Variants in DGCR8 observed in about 807,000 individuals in gnomAD.
The protein encoded by DGCR8 is DGCR8 microprocessor complex subunit, also known as microprocessor complex subunit DGCR8.
In DGCR8, 14 loss-of-function variants were observed where a neutral mutation model predicts 78.5. That is an observed-to-expected ratio of 0.18 (90% CI 0.12 to 0.28). The LOEUF is 0.28. Ranked by LOEUF, DGCR8 falls within the 10% of genes least tolerant of loss-of-function variation. The probability of loss-of-function intolerance (pLI) is 1.00; values close to 1 mark genes in which losing one functional copy is unlikely to be tolerated. For synonymous variants in DGCR8, 399 were observed against 402.4 expected (o/e 0.99, Z 0.10); for missense variants, 702 against 1,022.5 (o/e 0.69, Z 4.28).
At chr22:20,104,105 C>G (rs2904565) in intron 9 of DGCR8, among the ~76,000 whole-genome samples, 1 of 151,596 alleles carries the variant, frequency 6.6e-6, no homozygotes, top group Non-Finnish European at 1.5e-5. Flanking sequence ...GGTTAACCCT[C>G]AGTAGCACAT....
At chr22:20,100,300 C>T (rs1413161941) in intron 9 of DGCR8, 3 of 938,950 alleles carry the variant, frequency 3.2e-6, no homozygotes, top group Non-Finnish European at 3.8e-6. Flanking sequence ...CTCTTGACCT[C>T]GTGATCCGTC....
chr22:20,088,879 C>A (rs1020246999), intron 3 of DGCR8, among the ~76,000 whole-genome samples: 1 of 152,084 alleles, frequency 6.6e-6, no homozygotes, highest in African/African-American at 2.4e-5. Flanking sequence ...GCCTCCCAGG[C>A]TCAAGTGATC....
At position 20,089,868 on chromosome 22, in the gene DGCR8, A is replaced by G. The variant is rs976595373; in HGVS notation, c.1023+57A>G. On this transcript the variant is annotated intron_variant, in intron 4 of 13. Coordinates refer to ENST00000351989, the MANE Select transcript of DGCR8 (RefSeq NM_022720.7). The surrounding 1 kb of genome is among the most constrained non-coding windows in gnomAD (Gnocchi z 4.9). ...TGTAAGTTCTCAGACCAAAACGTGC[A>G]CATCCACACACATGGCACCGCAGCC... 1 of 1,601,144 alleles carries G rather than the reference A, an allele frequency of 6.2e-7. No individual in the cohort carries two copies. The highest frequency in any genetic ancestry group is 8.5e-7 in the Non-Finnish European group (1 of 1,171,632).
Position 20,111,864 on chromosome 22 carries a change from T to C in DGCR8, c.*1756T>C, listed in dbSNP as rs959591415. The C allele has an allele frequency of 6.0e-6, 1 of 167,688 alleles. No homozygotes were observed. Among genetic ancestry groups the C allele is most frequent in the Non-Finnish European group, 1.3e-5 (1 of 78,494 alleles). The allele number at this position is 167,688 out of a possible 1,614,324, so 10.4% of individuals were successfully genotyped here. A position where few individuals can be genotyped will look rare whatever the true frequency, so the allele number is the denominator to read the frequency against. ...GATTGTCTGAACACATAAAGCAAAC[T>C]GTCCAGAAGGGAATGGCTGATGTCT... On this transcript the variant is annotated 3_prime_UTR_variant, in exon 14 of 14. Coordinates refer to ENST00000351989, the MANE Select transcript of DGCR8 (RefSeq NM_022720.7).
At chr22:20,096,194 T>G (rs2049627036) in intron 9 of DGCR8, among the ~76,000 whole-genome samples, 1 of 152,176 alleles carries the variant, frequency 6.6e-6, no homozygotes, top group South Asian at 2.1e-4. Context: ...ACAAAAAGAA[T>G]GTTATTAAGA....
chr22:20,093,617 C>A (rs1484207985), intron 8 of DGCR8, among the ~76,000 whole-genome samples: 1 of 152,188 alleles, frequency 6.6e-6, no homozygotes, highest in African/African-American at 2.4e-5. Flanking sequence ...GCATCCTCCC[C>A]CAGTGGTGCT....
rs1160265628 is a variant in DGCR8, at chr22:20,085,148, T to C, written c.-277-539T>C. 3.0e-6 allele frequency: 2 copies of C among 666,668 alleles called. No individual in the cohort carries two copies. The highest frequency in any genetic ancestry group is 1.4e-4 in the East Asian group (1 of 7,320). 41.3% of individuals were successfully genotyped at this position (666,668 alleles called of 1,614,324 possible). On this transcript the variant is annotated intron_variant, in intron 1 of 13. Coordinates refer to ENST00000351989, the MANE Select transcript of DGCR8 (RefSeq NM_022720.7). This position sits in a 1 kb window ranked among gnomAD's most constrained non-coding sequence, Gnocchi z 6.2. ...CTGTCCCCGTCCACGTGCTACCCTG[T>C]GGGCCCAGGAGAGCCCTGGGGTCCC...
Position 20,085,187 on chromosome 22 carries a change from G to A in DGCR8, c.-277-500G>A, listed in dbSNP as rs1185470917. 3.0e-5 allele frequency: 9 copies of A among 298,154 alleles called. No individual in the cohort carries two copies. The highest frequency in any genetic ancestry group is 4.5e-5 in the Non-Finnish European group (9 of 201,880). The allele number at this position is 298,154 out of a possible 1,614,324, so 18.5% of individuals were successfully genotyped here. On this transcript the variant is annotated intron_variant, in intron 1 of 13. Transcript: ENST00000351989. This position sits in a 1 kb window ranked among gnomAD's most constrained non-coding sequence, Gnocchi z 6.2. Reference sequence around the variant, plus strand: ...CCCTGGGGTCCCTGGGTAGCAGAGCGCCTGGCCATGCCTCTGAGGCCCCTA... The same window carrying A: ...CCCTGGGGTCCCTGGGTAGCAGAGCACCTGGCCATGCCTCTGAGGCCCCTA...
chr22:20,101,075 T>C, intron 9 of DGCR8: 1 of 514,778 alleles, frequency 1.9e-6, no homozygotes, highest in Non-Finnish European at 2.5e-6. Flanking sequence ...GAGCCCACCC[T>C]GGCCACCTCC....
Position 20,086,271 on chromosome 22 carries a change from C to T in DGCR8, c.308C>T (p.Pro103Leu). The change falls in exon 2 of 14, where the codon CCT becomes CTT. Residue 103 changes from proline (P) to leucine (L), a missense_variant. Physicochemically the swap from Pro to Leu is moderately conservative, Grantham distance 98. Around this residue, in one of 4 missense-constraint regions of DGCR8, gnomAD observed 356 missense variants for 448.9 expected, o/e 0.79. Transcript: ENST00000351989. The surrounding 1 kb of genome is among the most constrained non-coding windows in gnomAD (Gnocchi z 6.4). ...GHSPRTARHA[P>L]AVRKFSPDLK... is the part of the protein sequence containing the mutation. ...AGCCCGCGCACCGCCCGGCACGCAC[C>T]TGCGGTCCGGAAGTTCTCCCCTGAC... The T allele has an allele frequency of 1.9e-6, 3 of 1,614,186 alleles. No individual in the cohort carries two copies. The highest frequency in any genetic ancestry group is 2.2e-5 in the South Asian group (2 of 91,082).
rs950505164 is a variant in DGCR8, at chr22:20,085,699, A to G, written c.-265A>G. The G allele has an allele frequency of 7.7e-7, 1 of 1,294,740 alleles. No individual in the cohort carries two copies. Among genetic ancestry groups the G allele is most frequent in the Non-Finnish European group, 9.8e-7 (1 of 1,025,012 alleles). The allele number at this position is 1,294,740 out of a possible 1,614,324, so 80.2% of individuals were successfully genotyped here. A position where few individuals can be genotyped will look rare whatever the true frequency, so the allele number is the denominator to read the frequency against. On this transcript the variant is annotated 5_prime_UTR_variant, in exon 2 of 14. Transcript: ENST00000351989. This position sits in a 1 kb window ranked among gnomAD's most constrained non-coding sequence, Gnocchi z 6.2. ...AATTTCTTTGCAGGTAGAAGAAGAA[A>G]GGTGCCACTCCGGCATGAAGACAGA...
chr22:20,081,330 G>C (rs923589313), intron 1 of DGCR8, among the ~76,000 whole-genome samples: 4 of 152,232 alleles, frequency 2.6e-5, no homozygotes, highest in Non-Finnish European at 5.9e-5. Context: ...TAGGAGGAAG[G>C]GTGCTGTCCA....
At position 20,087,263 on chromosome 22, in the gene DGCR8, G is replaced by A. The variant is rs753335199; in HGVS notation, c.822G>A (p.Pro274=). 100 of 1,613,866 alleles carry A rather than the reference G, an allele frequency of 6.2e-5. No homozygotes were observed. Among genetic ancestry groups the A allele is most frequent in the South Asian group, 2.4e-4 (22 of 91,058 alleles). ...EEKYGGDSDH[P]SDGETSVQPM... Reference sequence around the variant, plus strand: ...AATATGGCGGAGACAGCGACCATCCGTCCGATGGAGAGACAAGTGTGCAGC... The same window carrying A: ...AATATGGCGGAGACAGCGACCATCCATCCGATGGAGAGACAAGTGTGCAGC... The change falls in exon 3 of 14, where the codon CCG becomes CCA. Residue 274 remains proline, a synonymous_variant. Transcript: ENST00000351989. This position sits in a 1 kb window ranked among gnomAD's most constrained non-coding sequence, Gnocchi z 4.1.
chr22:20,109,022 G>C lies in DGCR8; in HGVS notation c.2238+19G>C, dbSNP rs1411102992. On this transcript the variant is annotated intron_variant, in intron 13 of 13. Coordinates refer to ENST00000351989, the MANE Select transcript of DGCR8 (RefSeq NM_022720.7). ...GGAAAGGGTGAGTGCCACCCTAGCG[G>C]GAGGGCTGCCGGGCCACGGCCATTC... 1 of 1,387,138 alleles carries C rather than the reference G, an allele frequency of 7.2e-7. No individual in the cohort carries two copies. The highest frequency in any genetic ancestry group is 1.0e-6 in the Non-Finnish European group (1 of 974,566). The allele number at this position is 1,387,138 out of a possible 1,614,324, so 85.9% of individuals were successfully genotyped here. A position where few individuals can be genotyped will look rare whatever the true frequency, so the allele number is the denominator to read the frequency against.
chr22:20,104,350 G>C (rs1159062974), intron 9 of DGCR8, among the ~76,000 whole-genome samples: 1 of 151,866 alleles, frequency 6.6e-6, no homozygotes, highest in Non-Finnish European at 1.5e-5. Context: ...TGTATTTTTA[G>C]TAGAGACGGG....
rs1383866685 is a variant in DGCR8, at chr22:20,091,546, G to A, written c.1418G>A (p.Arg473Gln). 10 of 1,614,102 alleles carry A rather than the reference G, an allele frequency of 6.2e-6. No homozygotes were observed. The highest frequency in any genetic ancestry group is 8.5e-6 in the Non-Finnish European group (10 of 1,180,058). The change falls in exon 6 of 14, where the codon CGG becomes CAG. Residue 473 changes from arginine (R) to glutamine (Q), a missense_variant. This residue lies in a region of DGCR8 where 225 missense variants were observed against 427.7 expected (regional missense o/e 0.53). Coordinates refer to ENST00000351989, the MANE Select transcript of DGCR8 (RefSeq NM_022720.7). Reference protein sequence around the residue: ...ERRQFNREMKRKQAESERPIL... With the variant: ...ERRQFNREMKQKQAESERPIL... Reference sequence around the variant, plus strand: ...CGGCAATTCAATCGGGAAATGAAGCGGAAGCAGGCGGAGTCCGAGAGGCCC... The same window carrying A: ...CGGCAATTCAATCGGGAAATGAAGCAGAAGCAGGCGGAGTCCGAGAGGCCC...
rs779829769 is a variant in DGCR8, at chr22:20,086,408, G to A, written c.445G>A (p.Gly149Ser). 1.8e-5 allele frequency: 29 copies of A among 1,613,868 alleles called. No homozygotes were observed. Among genetic ancestry groups the A allele is most frequent in the African/African-American group, 8.0e-5 (6 of 74,888 alleles). Reference protein sequence around the residue: ...GAERDVRAECGLLLSPVSGDV... With the variant: ...GAERDVRAECSLLLSPVSGDV... ...AGAGCGCGACGTGCGGGCGGAGTGC[G>A]GTCTGCTCCTTAGCCCTGTCAGTGG... The change falls in exon 2 of 14, where the codon GGT becomes AGT. Residue 149 changes from glycine to serine, a missense_variant. Gly to Ser is a moderately conservative substitution (Grantham distance 56). Around this residue, in one of 4 missense-constraint regions of DGCR8, gnomAD observed 356 missense variants for 448.9 expected, o/e 0.79. Transcript: ENST00000351989. This position sits in a 1 kb window ranked among gnomAD's most constrained non-coding sequence, Gnocchi z 6.4.
intron 9 of DGCR8, chr22:20,101,870 G>A: frequency 1.0e-6 from 1 of 985,406 alleles, no homozygotes; most frequent in Non-Finnish European, 1.2e-6. Flanking sequence ...GTGGACTCCG[G>A]AGGTGGGGTT....
rs1226029834 is a variant in DGCR8, at chr22:20,111,363, G to C, written c.*1255G>C. ...GCCCCCTACAGGCGGTACTGATGGC[G>C]CTTTTTTTTTTTTTTCTGTCAGGAA... On this transcript the variant is annotated 3_prime_UTR_variant, in exon 14 of 14. Coordinates refer to ENST00000351989, the MANE Select transcript of DGCR8 (RefSeq NM_022720.7). 1 of 378,544 alleles carries C rather than the reference G, an allele frequency of 2.6e-6. No individual in the cohort carries two copies. The highest frequency in any genetic ancestry group is 2.1e-5 in the African/African-American group (1 of 46,538). 23.4% of individuals were successfully genotyped at this position (378,544 alleles called of 1,614,324 possible).
Sources: allele counts gnomAD v4.1 joint callset (sites outside exome capture counted in the v4.1 genomes callset), GRCh38; gene constraint gnomAD v4.1.1; regional missense constraint gnomAD v4.1.1; non-coding constraint Gnocchi (gnomAD v3.1); transcripts MANE v1.5; gene names NCBI Gene and HGNC (gene_info 2026-07-23, HGNC 2026-07-21).